The following ADAMTS19 variants were observed in gnomAD, a reference collection of about 807,000 sequenced individuals.
ADAMTS19 encodes the protein A disintegrin and metalloproteinase with thrombospondin motifs 19.
In ADAMTS19, 93 loss-of-function variants were observed where a neutral mutation model predicts 153.3. The ratio of observed to expected loss-of-function variants is 0.61; its 90% CI spans 0.51 to 0.72. The LOEUF (loss-of-function observed/expected upper bound fraction) is 0.72. ADAMTS19 is among the 30% of genes least tolerant of loss of function. The pLI, the probability that ADAMTS19 is intolerant of heterozygous loss-of-function variation, is 0.00. For missense variants in ADAMTS19, 1,482 were observed against 1,552.1 expected, an observed-to-expected ratio of 0.95 and a Z score of 0.76; for synonymous variants, 600 against 556.6, an observed-to-expected ratio of 1.08 and a Z score of -1.10.
intron 7 of ADAMTS19, among the ~76,000 whole-genome samples, chr5:129,592,294 C>T (rs62399015): frequency 0.062 from 9,188 of 148,876 alleles, 407 homozygotes; most frequent in Non-Finnish European, 0.088. Flanking sequence ...GCAGAAGACT[C>T]GCTGAAACCG....
At chr5:129,469,545 T>G (rs987247876) in intron 2 of ADAMTS19, among the ~76,000 whole-genome samples, 7 of 152,214 alleles carry the variant, frequency 4.6e-5, no homozygotes, top group Non-Finnish European at 1.0e-4. Flanking sequence ...TAGTTGTCAA[T>G]TTTAGAGAAA....
At chr5:129,669,641 T>C (rs1342326592) in intron 16 of ADAMTS19, among the ~76,000 whole-genome samples, 1 of 152,130 alleles carries the variant, frequency 6.6e-6, no homozygotes, top group Non-Finnish European at 1.5e-5. Context: ...TCTGCTTTCT[T>C]CTACTAGTTT....
At chr5:129,647,701 A>G in intron 11 of ADAMTS19, 64 bp from the exon 12 acceptor site, 1 of 1,564,016 alleles carries the variant, frequency 6.4e-7, no homozygotes, top group Non-Finnish European at 8.7e-7. Context: ...GTGACATTAT[A>G]GGCCAGCGAA....
intron 7 of ADAMTS19, among the ~76,000 whole-genome samples, chr5:129,553,882 T>C (rs1753222020): frequency 6.6e-6 from 1 of 152,294 alleles, no homozygotes; most frequent in Admixed American, 6.6e-5. Context: ...TGGAGTCATA[T>C]ACAGTCAGCC....
At position 129,593,080 on chromosome 5, in the gene ADAMTS19, A is replaced by G. The variant is rs1277921645; in HGVS notation, c.1373-3479A>G. On this transcript the variant is annotated intron_variant, in intron 7 of 22. Coordinates refer to ENST00000274487, the MANE Select transcript of ADAMTS19 (RefSeq NM_133638.6). ...CTATAACTGGTGTTTATGGGTTTCC[A>G]TAATCCAGAATTCCAAGAGAGGCCC... Among the ~76,000 whole-genome samples the G allele has an allele frequency of 3.9e-5, 6 of 152,128 alleles. No homozygotes were observed. The East Asian group carries it at 1.2e-3, about 29-fold the overall frequency.
intron 2 of ADAMTS19, among the ~76,000 whole-genome samples, chr5:129,483,160 A>G (rs1057175976): frequency 6.6e-6 from 1 of 152,168 alleles, no homozygotes; most frequent in African/African-American, 2.4e-5. Flanking sequence ...AAACAGCCAT[A>G]TAATAATCCA....
intron 6 of ADAMTS19, among the ~76,000 whole-genome samples, chr5:129,530,465 A>G (rs116266048): frequency 2.1e-4 from 32 of 152,312 alleles, no homozygotes; most frequent in Non-Finnish European, 3.7e-4. Flanking sequence ...CAGTGGGTTG[A>G]GCGTTGTGGG....
chr5:129,486,799 G>T (rs1030805884), intron 2 of ADAMTS19, among the ~76,000 whole-genome samples: 2 of 152,038 alleles, frequency 1.3e-5, no homozygotes, highest in African/African-American at 4.8e-5. Context: ...ATCAGAAGCA[G>T]GAGGATAAGA....
chr5:129,553,918 T>C (rs1389312899), intron 7 of ADAMTS19, among the ~76,000 whole-genome samples: 3 of 152,130 alleles, frequency 2.0e-5, no homozygotes, highest in Non-Finnish European at 4.4e-5. Context: ...TCCATCTCCA[T>C]GGATTCAACC....
intron 21 of ADAMTS19, 91 bp downstream of exon 21, chr5:129,704,482 G>C: frequency 3.5e-6 from 5 of 1,427,136 alleles, no homozygotes; most frequent in Non-Finnish European, 4.7e-6. Flanking sequence ...GAGTTTAGGA[G>C]GGAAGGAGAG....
chr5:129,594,492 C>T (rs974980206), intron 7 of ADAMTS19, among the ~76,000 whole-genome samples: 1 of 151,976 alleles, frequency 6.6e-6, no homozygotes, highest in Non-Finnish European at 1.5e-5. Context: ...TTTGGGGGGA[C>T]GTTTAATCTC....
At chr5:129,500,107 A>G (rs1215196025) in intron 2 of ADAMTS19, among the ~76,000 whole-genome samples, 1 of 152,160 alleles carries the variant, frequency 6.6e-6, no homozygotes, top group East Asian at 1.9e-4. Context: ...TTTATTATAT[A>G]ATCATCAAAC....
At chr5:129,558,259 G>T (rs1253796711) in intron 7 of ADAMTS19, among the ~76,000 whole-genome samples, 1 of 151,924 alleles carries the variant, frequency 6.6e-6, no homozygotes, top group East Asian at 1.9e-4. Flanking sequence ...CTAGATAATT[G>T]TATTATCTAC....
At chr5:129,513,374 T>G (rs1210516268) in intron 3 of ADAMTS19, among the ~76,000 whole-genome samples, 1 of 151,992 alleles carries the variant, frequency 6.6e-6, no homozygotes, top group Non-Finnish European at 1.5e-5. Flanking sequence ...GGTGTACCTA[T>G]AGTCCTAGCT....
rs1554098182 is a variant in ADAMTS19, at chr5:129,608,116, G to GTATATA, written c.1478+11471_1478+11476dup. 4.8e-3 allele frequency among the ~76,000 whole-genome samples: 230 copies of GTATATA among 47,942 alleles called. 8 individuals are homozygous for GTATATA. The highest frequency in any genetic ancestry group is 8.3e-3 in the Admixed American group (30 of 3,614). 31.5% of individuals were successfully genotyped at this position (47,942 alleles called of 152,430 possible). A position where few individuals can be genotyped will look rare whatever the true frequency, so the allele number is the denominator to read the frequency against. ...TGTGTGTGTGTGTGTGTGTGTGTGT[G>GTATATA]TATATATATATATATATATATATAA... On this transcript the variant is annotated intron_variant, in intron 8 of 22. Transcript: ENST00000274487.
rs150408085 is a variant in ADAMTS19, at chr5:129,509,999, T to G, written c.913+757T>G. On this transcript the variant is annotated intron_variant, in intron 3 of 22. Transcript: ENST00000274487. ...CTAATATTCAGAAAAAAATTAAAAGTTTTCCTAGGAAAAATTTTTAGACAT... is the reference window on the plus strand; with the variant it reads ...CTAATATTCAGAAAAAAATTAAAAGGTTTCCTAGGAAAAATTTTTAGACAT... 3.5e-3 allele frequency among the ~76,000 whole-genome samples: 527 copies of G among 151,940 alleles called. 2 individuals are homozygous for G. Among genetic ancestry groups the G allele is most frequent in the African/African-American group, 9.9e-3 (412 of 41,498 alleles).
intron 7 of ADAMTS19, among the ~76,000 whole-genome samples, chr5:129,580,668 G>A (rs1018124499): frequency 3.9e-5 from 6 of 152,044 alleles, no homozygotes; most frequent in Non-Finnish European, 7.4e-5. Flanking sequence ...ATTGATGGCC[G>A]TTTCTGCATC....
chr5:129,570,838 G>A (rs1159175721), intron 7 of ADAMTS19, among the ~76,000 whole-genome samples: 2 of 151,850 alleles, frequency 1.3e-5, no homozygotes, highest in African/African-American at 4.8e-5. Context: ...GTCAACTGAT[G>A]CAGAAAAAGC....
chr5:129,547,470 A>T (rs1164026554), intron 6 of ADAMTS19, among the ~76,000 whole-genome samples: 1 of 150,726 alleles, frequency 6.6e-6, no homozygotes. Context: ...CAAATATATC[A>T]TACTTTAGAA....
Sources: gnomAD v4.1 joint callset for allele counts (sites outside exome capture counted in the v4.1 genomes callset) on GRCh38, gnomAD v4.1.1 for gene constraint, MANE v1.5 for transcripts, NCBI Gene and HGNC (gene_info 2026-07-23, HGNC 2026-07-21) for gene names.